Variants in AIG1 observed in about 807,000 individuals in gnomAD.
The protein encoded by AIG1 is androgen induced 1.
Under a neutral mutation model 31.4 loss-of-function variants are expected in AIG1, and 23 were observed. That is an observed-to-expected ratio of 0.73 (90% CI 0.53 to 1.04). The LOEUF (loss-of-function observed/expected upper bound fraction) is 1.04, where lower values mean the gene tolerates loss of function less well. AIG1 is among the 50% of genes least tolerant of loss of function. The pLI is 0.00. For synonymous variants in AIG1, 100 were observed against 110.5 expected (o/e 0.90, Z 0.60); for missense variants, 274 against 295.0 (o/e 0.93, Z 0.52).
intron 3 of AIG1, chr6:143,187,871 G>A: frequency 2.1e-6 from 3 of 1,401,272 alleles, no homozygotes; most frequent in Non-Finnish European, 2.8e-6. Flanking sequence ...GGTATCCGCA[G>A]CATTGTCAAA....
intron 1 of AIG1, among the ~76,000 whole-genome samples, chr6:143,091,486 A>T (rs935291349): frequency 6.6e-6 from 1 of 152,264 alleles, no homozygotes; most frequent in African/African-American, 2.4e-5. Context: ...TTTTAAAATA[A>T]ATGAATAATG....
At chr6:143,187,306 C>T (rs1331949300) in intron 3 of AIG1, 4 of 1,197,436 alleles carry the variant, frequency 3.3e-6, no homozygotes, top group Middle Eastern at 3.7e-4. Context: ...CTAATATTCA[C>T]ACATATGGCA....
intron 3 of AIG1, among the ~76,000 whole-genome samples, chr6:143,181,692 G>A (rs1788733729): frequency 2.6e-5 from 4 of 152,146 alleles, no homozygotes; most frequent in Non-Finnish European, 5.9e-5. Context: ...TGAATGAATT[G>A]TGAACTACTT....
intron 4 of AIG1, among the ~76,000 whole-genome samples, chr6:143,319,788 G>A (rs1238586368): frequency 4.0e-5 from 6 of 151,610 alleles, no homozygotes; most frequent in African/African-American, 1.2e-4. Flanking sequence ...TACAACTGAA[G>A]CAATAAAATG....
intron 2 of AIG1, among the ~76,000 whole-genome samples, chr6:143,163,063 G>A (rs9403454): frequency 6.6e-6 from 1 of 152,138 alleles, no homozygotes; most frequent in Non-Finnish European, 1.5e-5. Context: ...ATCAGAGTGA[G>A]ACCTGGGATC....
rs1463056605 is a variant in AIG1, at chr6:143,334,451, A to G, written c.679+1006A>G. On this transcript the variant is annotated intron_variant, in intron 5 of 5. Transcript: ENST00000357847. This position sits in a 1 kb window ranked among gnomAD's most constrained non-coding sequence, Gnocchi z 5.1. Reference sequence around the variant, plus strand: ...AGACTTTTGTGTGTGTGGATCCTCTAAGATTGTATGTGTCAGGGTATTAGC... The same window carrying G: ...AGACTTTTGTGTGTGTGGATCCTCTGAGATTGTATGTGTCAGGGTATTAGC... Among the ~76,000 whole-genome samples, 1 of 152,148 alleles carries G rather than the reference A, an allele frequency of 6.6e-6. No homozygotes were observed. The highest frequency in any genetic ancestry group is 1.9e-4 in the East Asian group (1 of 5,190).
At position 143,326,704 on chromosome 6, in the gene AIG1, A is replaced by G. The variant is rs1318420922; in HGVS notation, c.516-6578A>G. Among the ~76,000 whole-genome samples the G allele has an allele frequency of 6.6e-6, 1 of 152,248 alleles. No individual in the cohort carries two copies. The highest frequency in any genetic ancestry group is 2.4e-5 in the African/African-American group (1 of 41,474). On this transcript the variant is annotated intron_variant, in intron 4 of 5. Coordinates refer to ENST00000357847, the MANE Select transcript of AIG1 (RefSeq NM_016108.4). The surrounding 1 kb of genome is among the most constrained non-coding windows in gnomAD (Gnocchi z 4.5). ...TTCCCGGAGTAAGTGATAATTGATC[A>G]GTTGTACCAGTTGAGCTAATATAGA... is the stretch of plus-strand genomic sequence containing the variant.
chr6:143,178,338 G>GCT, intron 3 of AIG1, among the ~76,000 whole-genome samples: 1 of 152,172 alleles, frequency 6.6e-6, no homozygotes. Flanking sequence ...TGGTGGCTCT[G>GCT]CTCTCAACAT....
chr6:143,214,561 C>T (rs1161017546), intron 3 of AIG1, among the ~76,000 whole-genome samples: 1 of 152,112 alleles, frequency 6.6e-6, no homozygotes, highest in Non-Finnish European at 1.5e-5. Context: ...GAGGTTTTCT[C>T]CCTTGTCTTC....
At chr6:143,059,829 C>T (rs879527634), upstream of AIG1, among the ~76,000 whole-genome samples, 7 of 152,278 alleles carry the variant, frequency 4.6e-5, no homozygotes, top group Admixed American at 3.9e-4. Context: ...TTTCATAATC[C>T]GAACCTGCAA....
chr6:143,141,846 A>G (rs1420261489), intron 2 of AIG1, among the ~76,000 whole-genome samples: 1 of 152,120 alleles, frequency 6.6e-6, no homozygotes, highest in East Asian at 1.9e-4. Context: ...GTTGGCAGAT[A>G]CCATTATGGC....
intron 1 of AIG1, among the ~76,000 whole-genome samples, chr6:143,117,569 G>T (rs1781845610): frequency 6.6e-6 from 1 of 152,190 alleles, no homozygotes; most frequent in South Asian, 2.1e-4. Flanking sequence ...AAGGAGTTCA[G>T]ATTTGCACCA....
At chr6:143,173,483 C>G (rs926726725) in intron 3 of AIG1, among the ~76,000 whole-genome samples, 1 of 152,148 alleles carries the variant, frequency 6.6e-6, no homozygotes, top group South Asian at 2.1e-4. Context: ...CTTAGATTGT[C>G]TATTTGCACT....
At chr6:143,109,641 A>C (rs1200358234) in intron 1 of AIG1, among the ~76,000 whole-genome samples, 1 of 152,038 alleles carries the variant, frequency 6.6e-6, no homozygotes, top group Non-Finnish European at 1.5e-5. Context: ...AGTATTGTTA[A>C]TCATTTTTAT....
chr6:143,307,226 T>G (rs977771777), intron 4 of AIG1, among the ~76,000 whole-genome samples: 4 of 152,230 alleles, frequency 2.6e-5, no homozygotes, highest in African/African-American at 9.6e-5. Context: ...CCATCCAGCT[T>G]TGTTCTGTTG....
intron 3 of AIG1, among the ~76,000 whole-genome samples, chr6:143,209,886 T>A (rs1474365137): frequency 6.6e-6 from 1 of 152,178 alleles, no homozygotes; most frequent in Admixed American, 6.5e-5. Flanking sequence ...AGAACGTCTC[T>A]TCTAGGAGGG....
chr6:143,113,936 G>A (rs1472310435), intron 1 of AIG1, among the ~76,000 whole-genome samples: 3 of 151,848 alleles, frequency 2.0e-5, no homozygotes, highest in African/African-American at 4.8e-5. Flanking sequence ...CACCACGCCC[G>A]GCTAACTTTT....
chr6:143,246,259 C>A (rs1454449778), intron 3 of AIG1, among the ~76,000 whole-genome samples: 2 of 131,168 alleles, frequency 1.5e-5, no homozygotes, highest in African/African-American at 5.8e-5. Context: ...ATACCTGAGA[C>A]TGGGCAATTT....
At chr6:143,146,400 GGACAA>G (rs1784713875) in intron 2 of AIG1, among the ~76,000 whole-genome samples, 1 of 151,894 alleles carries the variant, frequency 6.6e-6, no homozygotes, top group Non-Finnish European at 1.5e-5. Flanking sequence ...TGGGGACCAG[GGACAA>G]GATGCAATAT....
Sources: gnomAD v4.1 joint callset for allele counts (sites outside exome capture counted in the v4.1 genomes callset) on GRCh38, gnomAD v4.1.1 for gene constraint, Gnocchi (gnomAD v3.1) non-coding constraint, MANE v1.5 for transcripts, NCBI Gene and HGNC (gene_info 2026-07-23, HGNC 2026-07-21) for gene names.